The following PPP1R12B variants were observed in gnomAD, a reference collection of about 807,000 sequenced individuals.
The protein encoded by PPP1R12B is myosin phosphatase target subunit 2.
PPP1R12B carries 76 observed loss-of-function variants against 126.1 expected under a neutral mutation model. That is an observed-to-expected ratio of 0.60 (90% CI 0.50 to 0.73). The LOEUF (loss-of-function observed/expected upper bound fraction) is 0.73. Among genes scored for constraint, PPP1R12B ranks in the 30% least tolerant of loss-of-function variants. The pLI is 0.00. For synonymous variants in PPP1R12B, 356 were observed against 434.7 expected (o/e 0.82, Z 2.25); for missense variants, 1,052 against 1,205.1 (o/e 0.87, Z 1.88).
At chr1:202,394,134 C>A (rs1664549220) in intron 1 of PPP1R12B, among the ~76,000 whole-genome samples, 1 of 151,132 alleles carries the variant, frequency 6.6e-6, no homozygotes, top group Admixed American at 6.6e-5. Context: ...GTCAGGAGAT[C>A]GAGACCATCC....
intron 23 of PPP1R12B, among the ~76,000 whole-genome samples, chr1:202,571,881 G>C (rs1688645812): frequency 6.6e-6 from 1 of 152,044 alleles, no homozygotes; most frequent in African/African-American, 2.4e-5. Context: ...AACACTATTT[G>C]CTCAAATCAA....
chr1:202,526,073 G>A (rs180926591), intron 18 of PPP1R12B, among the ~76,000 whole-genome samples: 25 of 152,340 alleles, frequency 1.6e-4, no homozygotes, highest in African/African-American at 4.6e-4. Context: ...ACAAAAAGAT[G>A]ATGTGGGAGG....
rs1688211343 is a variant in PPP1R12B, at chr1:202,567,903, C to T, written c.2811+72C>T. On this transcript the variant is annotated intron_variant, in intron 22 of 23. Coordinates refer to ENST00000608999, the MANE Select transcript of PPP1R12B (RefSeq NM_002481.4). ...TCTGACTCTCTCCCACTTTGTTATT[C>T]ATGCCAATGGAAAAAGTCCATCTTA... is the stretch of plus-strand genomic sequence containing the variant. 1.9e-6 allele frequency: 3 copies of T among 1,543,430 alleles called. No homozygotes were observed. In the African/African-American group the frequency reaches 4.1e-5, roughly 21 times the overall value.
intron 1 of PPP1R12B, among the ~76,000 whole-genome samples, chr1:202,359,133 A>AT (rs1450343367): frequency 3.5e-4 from 53 of 152,084 alleles, no homozygotes; most frequent in African/African-American, 1.2e-3. Context: ...AGCCAATCCT[A>AT]GATATCACAT....
intron 22 of PPP1R12B, among the ~76,000 whole-genome samples, chr1:202,568,265 A>G (rs150598460): frequency 1.2e-4 from 19 of 152,212 alleles, no homozygotes; most frequent in African/African-American, 4.1e-4. Flanking sequence ...ACCCTCTGCC[A>G]TTTAGGTCTT....
At chr1:202,471,839 C>A (rs1675946425) in intron 13 of PPP1R12B, 7 of 1,387,330 alleles carry the variant, frequency 5.0e-6, no homozygotes, top group Admixed American at 1.9e-5. Context: ...GATGGTTTCC[C>A]ACTCATCTTG....
chr1:202,559,134 C>A (rs1447073585), intron 19 of PPP1R12B, among the ~76,000 whole-genome samples: 1 of 152,168 alleles, frequency 6.6e-6, no homozygotes, highest in African/African-American at 2.4e-5. Flanking sequence ...TTGTAGACTT[C>A]CACTAGATTA....
chr1:202,463,486 A>C (rs1411969131), intron 13 of PPP1R12B, among the ~76,000 whole-genome samples: 1 of 152,224 alleles, frequency 6.6e-6, no homozygotes, highest in African/African-American at 2.4e-5. Flanking sequence ...TATGTTTTAA[A>C]TAAGTAAAAC....
intron 18 of PPP1R12B, among the ~76,000 whole-genome samples, chr1:202,540,713 G>A (rs1299430537): frequency 6.6e-6 from 1 of 152,182 alleles, no homozygotes; most frequent in African/African-American, 2.4e-5. Context: ...ATGTATGTAT[G>A]TATATGAGGT....
intron 1 of PPP1R12B, among the ~76,000 whole-genome samples, chr1:202,389,926 CA>C (rs35190931): frequency 0.51 from 48,494 of 95,896 alleles, 8,765 homozygotes; most frequent in Admixed American, 0.59. Context: ...GACTCTGTCT[CA>C]AAAAAAAAAA....
chr1:202,509,596 C>T (rs1329547026), intron 18 of PPP1R12B, among the ~76,000 whole-genome samples: 1 of 152,232 alleles, frequency 6.6e-6, no homozygotes, highest in East Asian at 1.9e-4. Flanking sequence ...GTAAATTTGC[C>T]TTTAAGGCTC....
chr1:202,520,565 C>A (rs1682669867), intron 18 of PPP1R12B, among the ~76,000 whole-genome samples: 1 of 152,166 alleles, frequency 6.6e-6, no homozygotes, highest in South Asian at 2.1e-4. Context: ...TTTCCTAGTA[C>A]ATCTATTATT....
At chr1:202,437,589 C>T (rs1322823004) in intron 9 of PPP1R12B, among the ~76,000 whole-genome samples, 1 of 152,092 alleles carries the variant, frequency 6.6e-6, no homozygotes, top group Non-Finnish European at 1.5e-5. Context: ...GGTAGGAGCA[C>T]TGTGTGAAGA....
In PPP1R12B at chr1:202,562,786, C is replaced by G; in HGVS notation, c.2516C>G (p.Ser839Trp). Reference protein sequence around the residue: ...TWHERLSRLESGGSNPTTSDS... With the variant: ...TWHERLSRLEWGGSNPTTSDS... ...AATATTATCTCCCACAGGTTGGAAT[C>G]GGGAGGTAGTAATCCTACAACCAGT... The change falls in exon 20 of 24, where the codon TCG (serine) becomes TGG (tryptophan). Residue 839 changes from serine to tryptophan, a missense_variant. Ser to Trp is a radical substitution (Grantham distance 177). Coordinates refer to ENST00000608999, the MANE Select transcript of PPP1R12B (RefSeq NM_002481.4). 2 of 1,610,860 alleles carry G rather than the reference C, an allele frequency of 1.2e-6. No homozygotes were observed. The highest frequency in any genetic ancestry group is 1.7e-6 in the Non-Finnish European group (2 of 1,177,866).
chr1:202,575,198 T>C (rs913625795), intron 23 of PPP1R12B: 14 of 1,553,398 alleles, frequency 9.0e-6, no homozygotes, highest in East Asian at 4.5e-5. Flanking sequence ...TTCAGTCTTC[T>C]TGTTAGTCCC....
rs1413081804 is a variant in PPP1R12B at position 202,573,670 on chromosome 1, C to T, written c.2862+4473C>T. On this transcript the variant is annotated intron_variant, in intron 23 of 23. Coordinates refer to ENST00000608999, the MANE Select transcript of PPP1R12B (RefSeq NM_002481.4). ...TACTTAGGAAGGACAGTAGCAGAGTCGGCAGGCCTTTGATATAATTCCAAT... is the reference window on the plus strand; with the variant it reads ...TACTTAGGAAGGACAGTAGCAGAGTTGGCAGGCCTTTGATATAATTCCAAT... Among the ~76,000 whole-genome samples, 4 of 152,116 alleles carry T rather than the reference C, an allele frequency of 2.6e-5. No homozygotes were observed. In the East Asian group the frequency reaches 5.8e-4, roughly 22 times the overall value.
intron 1 of PPP1R12B, among the ~76,000 whole-genome samples, chr1:202,370,730 G>T (rs1660077788): frequency 6.6e-6 from 1 of 151,980 alleles, no homozygotes; most frequent in Admixed American, 6.6e-5. Flanking sequence ...TAGAGGCAAG[G>T]TTTCACTATG....
chr1:202,567,659 G>C, intron 21 of PPP1R12B, 119 bp from the exon 22 acceptor site: 1 of 1,026,618 alleles, frequency 9.7e-7, no homozygotes, highest in Non-Finnish European at 1.5e-6. Flanking sequence ...TGCTATAGGG[G>C]AAGTCCAAAG....
intron 18 of PPP1R12B, among the ~76,000 whole-genome samples, chr1:202,541,474 T>G (rs1685125048): frequency 6.6e-6 from 1 of 152,152 alleles, no homozygotes; most frequent in Non-Finnish European, 1.5e-5. Flanking sequence ...CATAGACTGG[T>G]ACCTTTTTTT....
Sources: allele counts gnomAD v4.1 joint callset (sites outside exome capture counted in the v4.1 genomes callset), GRCh38; gene constraint gnomAD v4.1.1; transcripts MANE v1.5; gene names NCBI Gene and HGNC (gene_info 2026-07-23, HGNC 2026-07-21).